Variants in CTCFL observed in about 807,000 individuals in gnomAD.
The protein encoded by CTCFL is transcriptional repressor CTCFL.
Under a neutral mutation model 67.4 loss-of-function variants are expected in CTCFL, and 36 were observed. The ratio of observed to expected loss-of-function variants is 0.53; its 90% CI spans 0.41 to 0.71. CTCFL has a LOEUF of 0.71. Ranked by LOEUF, CTCFL falls within the 30% of genes least tolerant of loss-of-function variation. The pLI is 0.00. For synonymous variants in CTCFL, 324 were observed against 302.3 expected, an observed-to-expected ratio of 1.07 and a Z score of -0.75; for missense variants, 786 against 835.2, an observed-to-expected ratio of 0.94 and a Z score of 0.73.
At chr20:57,504,661 C>A (rs1335674716) in intron 9 of CTCFL, among the ~76,000 whole-genome samples, 3 of 151,852 alleles carry the variant, frequency 2.0e-5, no homozygotes, top group African/African-American at 7.2e-5. Flanking sequence ...GGCAGGGAGA[C>A]CTAAGATAAG....
chr20:57,518,828 C>G lies in CTCFL; in HGVS notation c.989G>C (p.Arg330Pro). ...MAFVTSGELV[R>P]HRRYKHTHEK... ...ATGAGTATGTTTATAGCGCCTGTGT[C>G]GGACGAGTTCTCCACTGGTGACAAA... Residue 330 changes from arginine to proline, a missense_variant, in exon 5 of 11, where the codon CGA becomes CCA. Around this residue, in one of 3 missense-constraint regions of CTCFL, gnomAD observed 254 missense variants for 333.9 expected, o/e 0.76. Coordinates refer to ENST00000243914, the MANE Select transcript of CTCFL (RefSeq NM_001386993.1). 1 of 1,614,126 alleles carries G rather than the reference C, an allele frequency of 6.2e-7. No homozygotes were observed. The highest frequency in any genetic ancestry group is 2.2e-5 in the East Asian group (1 of 44,878).
chr20:57,503,708 T>G, intron 9 of CTCFL, 107 bp from the exon 10 acceptor site: 1 of 1,221,660 alleles, frequency 8.2e-7, no homozygotes, highest in Non-Finnish European at 1.2e-6. Context: ...AAATCCTGAG[T>G]TCTTTCGAGG....
At chr20:57,520,987 G>A (rs900156588) in intron 3 of CTCFL, among the ~76,000 whole-genome samples, 2 of 152,226 alleles carry the variant, frequency 1.3e-5, no homozygotes, top group Non-Finnish European at 2.9e-5. Context: ...TGATAACAGA[G>A]GCAGAGATTG....
intron 8 of CTCFL, among the ~76,000 whole-genome samples, chr20:57,512,183 A>C (rs1315982036): frequency 6.6e-6 from 1 of 152,228 alleles, no homozygotes; most frequent in African/African-American, 2.4e-5. Flanking sequence ...ACTGTCATGT[A>C]AAACTGCCCT....
chr20:57,509,052 A>G (rs1425315896), intron 8 of CTCFL, among the ~76,000 whole-genome samples: 1 of 152,196 alleles, frequency 6.6e-6, no homozygotes, highest in Admixed American at 6.5e-5. Flanking sequence ...GGGATGTGGG[A>G]GTACACACCG....
At chr20:57,507,946 A>G in intron 9 of CTCFL, 1 of 669,348 alleles carries the variant, frequency 1.5e-6, no homozygotes, top group South Asian at 1.6e-5. Flanking sequence ...TTTTTTAATT[A>G]AAAAAGTTAT....
chr20:57,504,736 C>A (rs2068107773), intron 9 of CTCFL, among the ~76,000 whole-genome samples: 1 of 151,908 alleles, frequency 6.6e-6, no homozygotes, highest in African/African-American at 2.4e-5. Flanking sequence ...TAATTTCCTC[C>A]TGAGAGGCCT....
chr20:57,508,606 C>T lies in CTCFL; in HGVS notation c.1674G>A (p.Trp558Ter). 6.2e-7 allele frequency: 1 copy of T among 1,613,814 alleles called. No individual in the cohort carries two copies. Among genetic ancestry groups the T allele is most frequent in the Non-Finnish European group, 8.5e-7 (1 of 1,179,808 alleles). Residue 558 changes from tryptophan to a stop codon, truncating the protein, a stop_gained and splice_region_variant, in exon 9 of 11, where the codon TGG becomes TGA. Transcript: ENST00000243914. LOFTEE classifies it high-confidence loss of function. ...CSKCGKGFSR[W>*]INLHRHSEKC... Reference sequence around the variant, plus strand: ...TTTACTGTGACTTAAGTAAGCTTACCCAGCGGGAAAAGCCTTTGCCACACT... The same window carrying T: ...TTTACTGTGACTTAAGTAAGCTTACTCAGCGGGAAAAGCCTTTGCCACACT...
At position 57,508,781 on chromosome 20, in the gene CTCFL, T is replaced by C. The variant is rs140188763; in HGVS notation, c.1499A>G (p.His500Arg). The stretch of plus-strand genomic sequence containing the variant: ...GTGGGTACGAATGTGAGCGGTCATA[T>C]GACGTTCCTAAGAGGGAAGGGGAAG... The part of the protein sequence containing the change: ...HCSYACKQER[H>R]MTAHIRTHTG... Residue 500 changes from histidine to arginine, a missense_variant, in exon 9 of 11, where the codon CAT (histidine) becomes CGT (arginine). His to Arg is a conservative substitution (Grantham distance 29). Transcript: ENST00000243914. 50 of 1,614,106 alleles carry C rather than the reference T, an allele frequency of 3.1e-5. No homozygotes were observed. The African/African-American group carries it at 5.3e-4, about 17-fold the overall frequency.
At position 57,523,673 on chromosome 20, in the gene CTCFL, C is replaced by A; in HGVS notation, c.533G>T (p.Gly178Val). The change falls in exon 2 of 11, where the codon GGA becomes GTA. Residue 178 changes from glycine to valine, a missense_variant. Gly to Val is a moderately radical substitution (Grantham distance 109, BLOSUM62 -3). Coordinates refer to ENST00000243914, the MANE Select transcript of CTCFL (RefSeq NM_001386993.1). Reference protein sequence around the residue: ...KLAVSLAETTGLIKLEEEQEK... With the variant: ...KLAVSLAETTVLIKLEEEQEK... ...TAAAACCAGCTGTACCTTGATCAGT[C>A]CAGTAGTTTCAGCCAGGCTCACCGC... 6.2e-7 allele frequency: 1 copy of A among 1,613,282 alleles called. No homozygotes were observed. Among genetic ancestry groups the A allele is most frequent in the Non-Finnish European group, 8.5e-7 (1 of 1,179,812 alleles).
intron 5 of CTCFL, among the ~76,000 whole-genome samples, chr20:57,516,470 G>C (rs1310245237): frequency 6.6e-6 from 1 of 152,208 alleles, no homozygotes; most frequent in Non-Finnish European, 1.5e-5. Context: ...CTGGGAGGCT[G>C]AGGCCGCAAA....
chr20:57,502,039 G>A (rs1454778635), intron 10 of CTCFL, among the ~76,000 whole-genome samples: 1 of 152,206 alleles, frequency 6.6e-6, no homozygotes, highest in Non-Finnish European at 1.5e-5. Flanking sequence ...AGGGTGCTCC[G>A]CGCATGGGCA....
At chr20:57,512,789 G>A (rs781237733) in intron 7 of CTCFL, 37 bp from the exon 8 acceptor site, 3 of 1,594,146 alleles carry the variant, frequency 1.9e-6, no homozygotes, top group Non-Finnish European at 2.6e-6. Flanking sequence ...CTTCAAGAGT[G>A]TTGTTTTCTG....
At chr20:57,522,481 C>T (rs1486400669) in intron 3 of CTCFL, among the ~76,000 whole-genome samples, 1 of 152,098 alleles carries the variant, frequency 6.6e-6, no homozygotes, top group African/African-American at 2.4e-5. Flanking sequence ...GCTTCAGGGT[C>T]TTCCTAATCT....
chr20:57,507,451 G>C, intron 9 of CTCFL: 1 of 640,040 alleles, frequency 1.6e-6, no homozygotes, highest in South Asian at 1.7e-5. Context: ...ACCTGCCTTG[G>C]CCTCCCGAAG....
chr20:57,510,676 A>C (rs959491116), intron 8 of CTCFL, among the ~76,000 whole-genome samples: 11 of 152,206 alleles, frequency 7.2e-5, no homozygotes, highest in African/African-American at 2.7e-4. Context: ...ATCCTGGCTA[A>C]CATGGTGAAA....
At chr20:57,500,295 T>G (rs1401532398) in intron 10 of CTCFL, 2 of 732,918 alleles carry the variant, frequency 2.7e-6, no homozygotes, top group South Asian at 3.4e-5. Flanking sequence ...CTACTAAAAA[T>G]AATAGAACAA....
In CTCFL at chr20:57,524,784, G is replaced by A. The variant is rs895560569; in HGVS notation, c.-12+244C>T. On this transcript the variant is annotated intron_variant, in intron 1 of 10. Transcript: ENST00000243914. ...GGCAGGCTTTGGGCCTAGTGGCCTCGAGCCCACCCAGACTTGGCCAAGCAG... is the reference window on the plus strand; with the variant it reads ...GGCAGGCTTTGGGCCTAGTGGCCTCAAGCCCACCCAGACTTGGCCAAGCAG... 3.0e-6 allele frequency: 3 copies of A among 985,844 alleles called. No individual in the cohort carries two copies. In the African/African-American group the frequency reaches 5.2e-5, roughly 17 times the overall value. The allele number at this position is 985,844 out of a possible 1,614,324, so 61.1% of individuals were successfully genotyped here. A position where few individuals can be genotyped will look rare whatever the true frequency, so the allele number is the denominator to read the frequency against.
chr20:57,513,936 T>A, intron 7 of CTCFL: 1 of 1,273,360 alleles, frequency 7.9e-7, no homozygotes, highest in Non-Finnish European at 1.0e-6. Context: ...TGCTCAACAC[T>A]GGCTGGCTTC....
Sources: gnomAD v4.1 joint callset for allele counts (sites outside exome capture counted in the v4.1 genomes callset) on GRCh38, gnomAD v4.1.1 for gene constraint, gnomAD v4.1.1 regional missense constraint, MANE v1.5 for transcripts, NCBI Gene and HGNC (gene_info 2026-07-23, HGNC 2026-07-21) for gene names.